IGF2BP2: variants seen among roughly 807,000 people sequenced by gnomAD.
The protein encoded by IGF2BP2 is insulin like growth factor 2 mRNA binding protein 2, also known as insulin-like growth factor 2 mRNA-binding protein 2.
Under a neutral mutation model 75.8 loss-of-function variants are expected in IGF2BP2, and 17 were observed. The ratio of observed to expected loss-of-function variants is 0.22; its 90% confidence interval spans 0.15 to 0.34. The LOEUF (loss-of-function observed/expected upper bound fraction) is 0.34, where lower values mean the gene tolerates loss of function less well. Ranked by LOEUF, IGF2BP2 falls within the 10% of genes least tolerant of loss-of-function variation. IGF2BP2 has a pLI of 1.00. For missense variants in IGF2BP2, 516 were observed against 772.4 expected, an observed-to-expected ratio of 0.67 and a Z score of 3.93; for synonymous variants, 288 against 295.6, an observed-to-expected ratio of 0.97 and a Z score of 0.26.
intron 2 of IGF2BP2, among the ~76,000 whole-genome samples, chr3:185,721,689 T>C (rs1232356242): frequency 6.6e-6 from 1 of 152,196 alleles, no homozygotes; most frequent in Non-Finnish European, 1.5e-5. Flanking sequence ...AAGCCTCAAG[T>C]AGGTCTCTCA....
chr3:185,675,785 G>C lies in IGF2BP2; in HGVS notation c.935+6C>G, dbSNP rs746099344. 6.2e-7 allele frequency: 1 copy of C among 1,611,978 alleles called. No individual in the cohort carries two copies. ...TGGGCATGAGTAATCTGAGTAAGTGGCTTACGATGAGATTGTTATCTTGGT... is the reference window on the plus strand; with the variant it reads ...TGGGCATGAGTAATCTGAGTAAGTGCCTTACGATGAGATTGTTATCTTGGT... On this transcript the variant is annotated splice_donor_region_variant and intron_variant, in intron 8 of 15. Transcript: ENST00000382199.
chr3:185,699,765 T>C (rs997697234), intron 2 of IGF2BP2, among the ~76,000 whole-genome samples: 7 of 152,224 alleles, frequency 4.6e-5, no homozygotes, highest in Non-Finnish European at 2.9e-5. Context: ...CATAACTACA[T>C]AGGTATCCTG....
At chr3:185,653,153 C>G (rs931435787) in intron 12 of IGF2BP2, among the ~76,000 whole-genome samples, 5 of 151,816 alleles carry the variant, frequency 3.3e-5, no homozygotes, top group Non-Finnish European at 5.9e-5. Flanking sequence ...TCTGTGAGTT[C>G]AGGTTCTCTT....
chr3:185,816,878 C>T (rs1035090339), intron 2 of IGF2BP2, among the ~76,000 whole-genome samples: 9 of 152,162 alleles, frequency 5.9e-5, no homozygotes, highest in Non-Finnish European at 1.2e-4. Context: ...TTTCTGATCA[C>T]ATTTAAAACA....
chr3:185,772,450 C>G (rs1055454802), intron 2 of IGF2BP2, among the ~76,000 whole-genome samples: 1 of 152,076 alleles, frequency 6.6e-6, no homozygotes, highest in African/African-American at 2.4e-5. Flanking sequence ...GAAAGATTCT[C>G]ATCTCTCCTT....
intron 2 of IGF2BP2, among the ~76,000 whole-genome samples, chr3:185,798,000 G>C (rs1274025579): frequency 6.6e-6 from 1 of 151,350 alleles, no homozygotes; most frequent in Admixed American, 6.6e-5. Context: ...TCAGGAGTTC[G>C]AGACCAGCCT....
chr3:185,666,577 C>T (rs1437677122), intron 10 of IGF2BP2, among the ~76,000 whole-genome samples: 2 of 151,740 alleles, frequency 1.3e-5, no homozygotes, highest in East Asian at 3.9e-4. Flanking sequence ...TACAGTGAGC[C>T]GAGATTGTGC....
At chr3:185,750,224 C>T (rs1730786315) in intron 2 of IGF2BP2, among the ~76,000 whole-genome samples, 1 of 152,168 alleles carries the variant, frequency 6.6e-6, no homozygotes, top group African/African-American at 2.4e-5. Flanking sequence ...GAATGCTTAC[C>T]TTTCTGTGGG....
intron 9 of IGF2BP2, 66 bp from the exon 10 acceptor site, chr3:185,672,735 A>C: frequency 1.3e-6 from 2 of 1,577,570 alleles, no homozygotes; most frequent in Non-Finnish European, 1.7e-6. Flanking sequence ...GCCTGGGTCA[A>C]CCTCCCTCTC....
intron 2 of IGF2BP2, among the ~76,000 whole-genome samples, chr3:185,705,073 A>T (rs961287618): frequency 8.5e-5 from 13 of 152,248 alleles, no homozygotes; most frequent in Non-Finnish European, 4.4e-5. Flanking sequence ...TAAGAGGATT[A>T]AATTAAATAC....
At chr3:185,710,244 A>G (rs1160287956) in intron 2 of IGF2BP2, among the ~76,000 whole-genome samples, 2 of 147,148 alleles carry the variant, frequency 1.4e-5, no homozygotes, top group Non-Finnish European at 3.0e-5. Context: ...AATAGCAGCT[A>G]GGAAATGGTA....
chr3:185,771,094 G>A (rs16860216), intron 2 of IGF2BP2, among the ~76,000 whole-genome samples: 44,852 of 151,946 alleles, frequency 0.3, 7,192 homozygotes, highest in African/African-American at 0.43. Flanking sequence ...AACTTAAAAA[G>A]TAAACAAGCC....
chr3:185,820,263 CACACACACACAT>C (rs1483028333), intron 2 of IGF2BP2, among the ~76,000 whole-genome samples: 3 of 131,520 alleles, frequency 2.3e-5, no homozygotes, highest in African/African-American at 9.4e-5. Flanking sequence ...CACACACACA[CACACACACACAT>C]AATTTTTAAG....
In IGF2BP2 at chr3:185,801,109, A is replaced by T. The variant is rs548334184; in HGVS notation, c.239+22044T>A. ...TGCAGCCAACAAACATATGAAAAAA[A>T]GCTCATCATCACGGGTCATTAAAGA... On this transcript the variant is annotated intron_variant, in intron 2 of 15. Coordinates refer to ENST00000382199, the MANE Select transcript of IGF2BP2 (RefSeq NM_006548.6). 1.1e-4 allele frequency among the ~76,000 whole-genome samples: 16 copies of T among 152,322 alleles called. No homozygotes were observed. The East Asian group carries it at 3.1e-3, about 29-fold the overall frequency.
At chr3:185,804,147 C>T (rs1423021899) in intron 2 of IGF2BP2, among the ~76,000 whole-genome samples, 1 of 151,910 alleles carries the variant, frequency 6.6e-6, no homozygotes, top group Non-Finnish European at 1.5e-5. Context: ...ATCCCAGCTA[C>T]TCGGGAGACT....
At chr3:185,701,986 C>T (rs533692323) in intron 2 of IGF2BP2, among the ~76,000 whole-genome samples, 12 of 152,132 alleles carry the variant, frequency 7.9e-5, no homozygotes, top group Non-Finnish European at 1.2e-4. Context: ...GGGACTCTGG[C>T]ATGTCCTTCA....
At chr3:185,729,102 T>C (rs1727776128) in intron 2 of IGF2BP2, among the ~76,000 whole-genome samples, 1 of 151,870 alleles carries the variant, frequency 6.6e-6, no homozygotes. Flanking sequence ...TAAAGATTAC[T>C]GCTTTTTTTT....
chr3:185,762,330 C>T (rs975158155), intron 2 of IGF2BP2, among the ~76,000 whole-genome samples: 2 of 147,444 alleles, frequency 1.4e-5, no homozygotes, highest in Non-Finnish European at 3.0e-5. Context: ...GAGTTCGAGA[C>T]CAGCCTGGCC....
chr3:185,800,683 G>A (rs939057558), intron 2 of IGF2BP2, among the ~76,000 whole-genome samples: 1 of 132,310 alleles, frequency 7.6e-6, no homozygotes, highest in Non-Finnish European at 1.6e-5. Context: ...GTTGCAGTGA[G>A]CTGAGAAGTT....
Sources: allele counts gnomAD v4.1 joint callset (sites outside exome capture counted in the v4.1 genomes callset), GRCh38; gene constraint gnomAD v4.1.1; transcripts MANE v1.5; gene names NCBI Gene and HGNC (gene_info 2026-07-23, HGNC 2026-07-21).